Variants in ZAN observed in about 807,000 individuals in gnomAD.
ZAN encodes zonadhesin (gene/pseudogene).
A neutral mutation model predicts 286.2 loss-of-function variants in ZAN; 260 were observed. The observed-to-expected ratio is 0.91, with a 90% confidence interval of 0.82 to 1.01. ZAN has a LOEUF of 1.01. Ranked by LOEUF, ZAN falls within the 50% of genes least tolerant of loss-of-function variation. ZAN has a pLI of 0.00. For missense variants in ZAN, 3,410 were observed against 3,639.2 expected (o/e 0.94, Z 1.62); for synonymous variants, 1,368 against 1,417.5 (o/e 0.97, Z 0.79).
At chr7:100,742,749 G>C (rs1169334134) in intron 7 of ZAN, among the ~76,000 whole-genome samples, 1 of 60,734 alleles carries the variant, frequency 1.6e-5, no homozygotes, top group Non-Finnish European at 3.5e-5. Flanking sequence ...GCAGGCACTC[G>C]GCAGGCTGAG....
At chr7:100,790,566 A>G (rs997168993) in intron 39 of ZAN, among the ~76,000 whole-genome samples, 19 of 147,882 alleles carry the variant, frequency 1.3e-4, no homozygotes, top group African/African-American at 4.7e-4. Flanking sequence ...CATCTCAAAA[A>G]AAAAAAAAAA....
intron 15 of ZAN, 90 bp from the exon 16 acceptor site, chr7:100,758,112 A>C (rs1809279243): frequency 9.8e-7 from 1 of 1,024,970 alleles, no homozygotes; most frequent in South Asian, 4.0e-5. Flanking sequence ...AAATAAATAA[A>C]TAAATAAATA....
At chr7:100,797,526 G>A (rs920213914) in intron 46 of ZAN, 51 bp from the exon 47 acceptor site, 3 of 1,613,664 alleles carry the variant, frequency 1.9e-6, no homozygotes, top group African/African-American at 1.3e-5. Flanking sequence ...AAGCGGCTGG[G>A]CCCGTAAAGG....
At chr7:100,735,133 GA>G (rs979229679) in intron 2 of ZAN, among the ~76,000 whole-genome samples, 2 of 138,676 alleles carry the variant, frequency 1.4e-5, no homozygotes, top group African/African-American at 5.3e-5. Flanking sequence ...GCAGTGAGCG[GA>G]AATTGCACCA....
chr7:100,759,613 T>C, intron 17 of ZAN, 108 bp from the exon 18 acceptor site: 1 of 1,378,584 alleles, frequency 7.3e-7, no homozygotes, highest in Non-Finnish European at 9.5e-7. Context: ...TTGGGGCTGG[T>C]GTCTCGGTGG....
chr7:100,753,752 G>C (rs1186544525), intron 14 of ZAN, among the ~76,000 whole-genome samples: 1 of 147,936 alleles, frequency 6.8e-6, no homozygotes, highest in Non-Finnish European at 1.5e-5. Context: ...AGGATCACTT[G>C]AGCCTAGGAG....
intron 28 of ZAN, 140 bp downstream of exon 28, chr7:100,770,114 C>CTA: frequency 2.9e-6 from 2 of 698,152 alleles, no homozygotes; most frequent in Admixed American, 2.7e-5. Flanking sequence ...ACAGGGCCAG[C>CTA]CAGCAGTCAC....
chr7:100,773,614 G>T (rs922741747), intron 30 of ZAN, 107 bp from the exon 31 acceptor site: 9 of 1,538,968 alleles, frequency 5.8e-6, no homozygotes, highest in South Asian at 1.2e-5. Flanking sequence ...GGCCAAGGCT[G>T]GGGGGCGAGG....
intron 4 of ZAN, 66 bp from the exon 5 acceptor site, chr7:100,736,743 G>T: frequency 6.9e-7 from 1 of 1,457,054 alleles, no homozygotes; most frequent in South Asian, 1.2e-5. Context: ...GCTCTGAGAA[G>T]GGGATGGGTG....
Position 100,773,757 on chromosome 7 carries a change from A to G in ZAN, c.5671A>G (p.Arg1891Gly). ...CTGGTACACAGAGAACACCTGCACC[A>G]GGCTCTGCACCTGCTCCGTCCACAA... is the stretch of plus-strand genomic sequence containing the variant. ...ERWYTENTCTRLCTCSVHNNI... is the reference protein window; with the variant it reads ...ERWYTENTCTGLCTCSVHNNI... The change falls in exon 31 of 48, where the codon AGG becomes GGG. Residue 1891 changes from arginine (R) to glycine (G), a missense_variant. Around this residue, in one of 7 missense-constraint regions of ZAN, gnomAD observed 1,289 missense variants for 1,314.3 expected, o/e 0.98. Transcript: ENST00000613979. 1.2e-6 allele frequency: 2 copies of G among 1,611,630 alleles called. No individual in the cohort carries two copies. Among genetic ancestry groups the G allele is most frequent in the East Asian group, 2.2e-5 (1 of 44,834 alleles).
chr7:100,783,803 C>CATATATAT (rs1410440738), intron 35 of ZAN, among the ~76,000 whole-genome samples: 3 of 52,508 alleles, frequency 5.7e-5, no homozygotes, highest in Admixed American at 2.8e-4. Flanking sequence ...TATATATACA[C>CATATATAT]ACATATATAT....
chr7:100,737,089 G>T lies in ZAN; in HGVS notation c.525+9G>T. 1 of 1,488,254 alleles carries T rather than the reference G, an allele frequency of 6.7e-7. No homozygotes were observed. 92.2% of individuals were successfully genotyped at this position (1,488,254 alleles called of 1,614,324 possible). Reference sequence around the variant, plus strand: ...TCACCCTGCCCACCCGGGTAAGGCCGGGGACAAATTGTGGGACCTCGGGGG... The same window carrying T: ...TCACCCTGCCCACCCGGGTAAGGCCTGGGACAAATTGTGGGACCTCGGGGG... On this transcript the variant is annotated intron_variant, in intron 5 of 47. Transcript: ENST00000613979.
At chr7:100,745,975 G>A (rs1313861923) in intron 7 of ZAN, among the ~76,000 whole-genome samples, 1 of 152,008 alleles carries the variant, frequency 6.6e-6, no homozygotes, top group Non-Finnish European at 1.5e-5. Flanking sequence ...TGTAATCCCA[G>A]CACTTTGGGA....
chr7:100,751,585 G>C (rs1326948671), intron 13 of ZAN, 127 bp from the exon 14 acceptor site: 3 of 1,015,902 alleles, frequency 3.0e-6, no homozygotes, highest in Non-Finnish European at 4.2e-6. Flanking sequence ...GATGAAGGTT[G>C]GGGTTTGGGA....
rs1387168609 is a variant in ZAN, at chr7:100,773,707, C to T, written c.5635-14C>T. 1.2e-6 allele frequency: 2 copies of T among 1,604,706 alleles called. No individual in the cohort carries two copies. The highest frequency in any genetic ancestry group is 8.5e-7 in the Non-Finnish European group (1 of 1,175,430). ...CAACTTTCTGTTGGCTCAGCTGATC[C>T]CTGTGGCCCACAGGTCGGGGAGCGC... On this transcript the variant is annotated splice_polypyrimidine_tract_variant and intron_variant, in intron 30 of 47. Transcript: ENST00000613979.
intron 35 of ZAN, among the ~76,000 whole-genome samples, chr7:100,783,419 T>C (rs1562951972): frequency 6.6e-6 from 1 of 151,566 alleles, no homozygotes; most frequent in Non-Finnish European, 1.5e-5. Context: ...CTTGTCCTAT[T>C]AAAAGCACAC....
intron 27 of ZAN, 62 bp downstream of exon 27, chr7:100,768,783 C>A: frequency 2.8e-6 from 4 of 1,429,182 alleles, no homozygotes; most frequent in Non-Finnish European, 3.8e-6. Flanking sequence ...CCTCGGGGGG[C>A]AGCTTGGAAG....
In ZAN at chr7:100,759,597, T is replaced by C. The variant is rs967943778; in HGVS notation, c.3572-124T>C. 11 of 1,298,274 alleles carry C rather than the reference T, an allele frequency of 8.5e-6. No individual in the cohort carries two copies. In the Admixed American group the frequency reaches 1.2e-4, roughly 14 times the overall value. 80.4% of individuals were successfully genotyped at this position (1,298,274 alleles called of 1,614,324 possible). A position where few individuals can be genotyped will look rare whatever the true frequency, so the allele number is the denominator to read the frequency against. On this transcript the variant is annotated intron_variant, in intron 17 of 47. Coordinates refer to ENST00000613979, the MANE Select transcript of ZAN (RefSeq NM_003386.3). ...CCTGTGTGGATCCGGCCTCCCCTAC[T>C]GGACTTTGGGGCTGGTGTCTCGGTG...
Position 100,762,224 on chromosome 7 carries a change from T to C in ZAN, c.3852T>C (p.Ser1284=), listed in dbSNP as rs750326272. ...QLYVTVSSTY[S]GKLCGLCGNY... is the part of the protein sequence containing the mutation. ...TCTCCTGTTCCCCTAGCACATACTC[T>C]GGCAAACTCTGTGGTTTGTGTGGGA... Residue 1284 remains serine, a synonymous_variant, in exon 20 of 48, where the codon TCT becomes TCC. Coordinates refer to ENST00000613979, the MANE Select transcript of ZAN (RefSeq NM_003386.3). 22 of 1,613,014 alleles carry C rather than the reference T, an allele frequency of 1.4e-5. No individual in the cohort carries two copies. The South Asian group carries it at 1.9e-4, about 14-fold the overall frequency.
Sources: allele counts gnomAD v4.1 joint callset (sites outside exome capture counted in the v4.1 genomes callset), GRCh38; gene constraint gnomAD v4.1.1; regional missense constraint gnomAD v4.1.1; transcripts MANE v1.5; gene names NCBI Gene and HGNC (gene_info 2026-07-23, HGNC 2026-07-21).